ZDHHC11B: variants seen among roughly 807,000 people sequenced by gnomAD.
ZDHHC11B encodes zDHHC palmitoyltransferase 11B (putative), also known as probable palmitoyltransferase ZDHHC11B.
Under a neutral mutation model 42.3 loss-of-function variants are expected in ZDHHC11B, and 17 were observed. That is an observed-to-expected ratio of 0.40 (90% CI 0.27 to 0.60). The LOEUF (loss-of-function observed/expected upper bound fraction) is 0.60, where lower values mean the gene tolerates loss of function less well. Among genes scored for constraint, ZDHHC11B ranks in the 20% least tolerant of loss-of-function variants. ZDHHC11B has a pLI of 0.41. For missense variants in ZDHHC11B, 262 were observed against 463.2 expected, an observed-to-expected ratio of 0.57 and a Z score of 3.99; for synonymous variants, 123 against 193.5, an observed-to-expected ratio of 0.64 and a Z score of 3.02.
At chr5:783,299 G>A (rs1266335458) in intron 1 of ZDHHC11B, among the ~76,000 whole-genome samples, 1 of 152,274 alleles carries the variant, frequency 6.6e-6, no homozygotes, top group Non-Finnish European at 1.5e-5. Context: ...TGACAGGCGC[G>A]AGAGCCCAGT....
At chr5:729,696 C>G (rs1335323018) in intron 12 of ZDHHC11B, among the ~76,000 whole-genome samples, 1 of 150,460 alleles carries the variant, frequency 6.6e-6, no homozygotes, top group East Asian at 1.9e-4. Flanking sequence ...TATCTAAACC[C>G]TAAAACTCTG....
rs138930691 is a variant in ZDHHC11B at position 765,682 on chromosome 5, C to T, written c.222+1016G>A. ...CTTGCTGCTGCTCACTCTTTGGCTC[C>T]GCACTGCCTTTATGAGCTCTAACAC... On this transcript the variant is annotated intron_variant, in intron 4 of 13. Coordinates refer to ENST00000508859, the MANE Select transcript of ZDHHC11B (RefSeq NM_001351303.2). Among the ~76,000 whole-genome samples the T allele has an allele frequency of 4.9e-4, 75 of 151,998 alleles. 1 individual carries two copies. Among genetic ancestry groups the T allele is most frequent in the Admixed American group, 1.7e-3 (26 of 15,242 alleles).
At chr5:759,397 C>T (rs546758146) in intron 4 of ZDHHC11B, among the ~76,000 whole-genome samples, 2 of 152,040 alleles carry the variant, frequency 1.3e-5, no homozygotes, top group African/African-American at 2.4e-5. Context: ...TCAATCCCTG[C>T]GGGGTTCAAA....
chr5:733,874 C>G (rs756478055), intron 10 of ZDHHC11B, 35 bp from the exon 11 acceptor site: 14 of 1,575,672 alleles, frequency 8.9e-6, no homozygotes, highest in Non-Finnish European at 1.2e-5. Context: ...AAACTCATCT[C>G]AGCTTTGTGG....
chr5:750,535 G>C (rs1745472963), intron 7 of ZDHHC11B, among the ~76,000 whole-genome samples: 1 of 130,358 alleles, frequency 7.7e-6, no homozygotes, highest in African/African-American at 2.5e-5. Context: ...TTAAGTCACA[G>C]CCGCAGGCCC....
At chr5:730,569 G>A (rs1742946398) in intron 11 of ZDHHC11B, 101 bp from the exon 12 acceptor site, 1 of 1,235,628 alleles carries the variant, frequency 8.1e-7, no homozygotes, top group Non-Finnish European at 1.1e-6. Flanking sequence ...AGTCAGTTCT[G>A]AGTAATGGTA....
chr5:751,298 G>A (rs1279508386), intron 6 of ZDHHC11B, 41 bp from the exon 7 acceptor site: 1 of 777,424 alleles, frequency 1.3e-6, no homozygotes, highest in African/African-American at 2.3e-5. Context: ...GTGGGGACGT[G>A]GGAGCAGTGG....
At chr5:764,643 C>T (rs564121600) in intron 4 of ZDHHC11B, among the ~76,000 whole-genome samples, 13 of 152,004 alleles carry the variant, frequency 8.6e-5, no homozygotes, top group Middle Eastern at 3.4e-3. Flanking sequence ...TGAGCCTCCC[C>T]GCTGCCATGG....
At chr5:728,921 G>A (rs1298182365) in intron 12 of ZDHHC11B, among the ~76,000 whole-genome samples, 2 of 151,338 alleles carry the variant, frequency 1.3e-5, no homozygotes, top group African/African-American at 4.9e-5. Flanking sequence ...GCTGAGGTGG[G>A]TGGACTGCAA....
At chr5:732,577 C>A in intron 11 of ZDHHC11B, 1 of 437,274 alleles carries the variant, frequency 2.3e-6, no homozygotes, top group Non-Finnish European at 4.6e-6. Flanking sequence ...ACCAGCCTCA[C>A]TGTTCCTCCA....
chr5:712,750 A>G (rs1471132733), intron 13 of ZDHHC11B, among the ~76,000 whole-genome samples: 3 of 151,520 alleles, frequency 2.0e-5, no homozygotes, highest in Admixed American at 6.6e-5. Context: ...TCTACTAAAA[A>G]TACAAAAAAT....
chr5:748,484 A>G lies in ZDHHC11B; in HGVS notation c.704T>C (p.Ile235Thr). The G allele has an allele frequency of 7.3e-7, 1 of 1,364,190 alleles. No individual in the cohort carries two copies. Among genetic ancestry groups the G allele is most frequent in the Non-Finnish European group, 9.8e-7 (1 of 1,024,470 alleles). The allele number at this position is 1,364,190 out of a possible 1,614,324, so 84.5% of individuals were successfully genotyped here. Residue 235 changes from isoleucine to threonine, a missense_variant, in exon 8 of 14, where the codon ATC becomes ACC. Physicochemically the swap from Ile to Thr is moderately conservative, Grantham distance 89. Coordinates refer to ENST00000508859, the MANE Select transcript of ZDHHC11B (RefSeq NM_001351303.2). ...PVQVQTLIVV[I>T]IRMLVLLLDL... ...CAGCAGGAGCACGAGCATCCTGATG[A>G]TCACGACTATCAGAGTCTGCACCTG...
intron 11 of ZDHHC11B, chr5:732,820 G>A (rs1743125081): frequency 7.8e-6 from 2 of 254,890 alleles, no homozygotes; most frequent in South Asian, 4.4e-5. Context: ...CCCTGAGCCT[G>A]GGGAATCACT....
At chr5:726,238 A>C (rs1742598123) in intron 12 of ZDHHC11B, among the ~76,000 whole-genome samples, 1 of 151,634 alleles carries the variant, frequency 6.6e-6, no homozygotes, top group African/African-American at 2.4e-5. Flanking sequence ...GCAAAGCGTG[A>C]CATGATTTAA....
In ZDHHC11B at chr5:767,425, T is replaced by C. The variant is rs1735609608; in HGVS notation, c.-34A>G. ...ACACTGCACGCCTGTCTCATCTCCG[T>C]AGGCTGAGTAGAGCAGCTCCAACTC... On this transcript the variant is annotated 5_prime_UTR_variant, in exon 3 of 14. Transcript: ENST00000508859. 2 of 1,574,542 alleles carry C rather than the reference T, an allele frequency of 1.3e-6. No homozygotes were observed. The highest frequency in any genetic ancestry group is 8.7e-7 in the Non-Finnish European group (1 of 1,153,408).
chr5:715,809 G>T (rs1182115709), intron 13 of ZDHHC11B, among the ~76,000 whole-genome samples: 1 of 151,430 alleles, frequency 6.6e-6, no homozygotes, highest in Non-Finnish European at 1.5e-5. Context: ...CTAGGGTGCT[G>T]GTCAGGGCTG....
intron 12 of ZDHHC11B, among the ~76,000 whole-genome samples, chr5:729,882 G>A (rs1399030517): frequency 2.0e-5 from 3 of 151,426 alleles, no homozygotes; most frequent in African/African-American, 4.9e-5. Context: ...GATTCTCTGG[G>A]AAGAATATGC....
intron 4 of ZDHHC11B, among the ~76,000 whole-genome samples, chr5:756,880 C>T (rs1349509768): frequency 6.6e-6 from 1 of 151,622 alleles, no homozygotes; most frequent in African/African-American, 2.4e-5. Flanking sequence ...TTCAGGGACC[C>T]CAGACTCATT....
intron 4 of ZDHHC11B, among the ~76,000 whole-genome samples, chr5:760,503 C>G: frequency 6.6e-6 from 1 of 151,694 alleles, no homozygotes; most frequent in African/African-American, 2.4e-5. Flanking sequence ...GACCCCGGGC[C>G]CCAGAACTGT....
Sources: gnomAD v4.1 joint callset for allele counts (sites outside exome capture counted in the v4.1 genomes callset) on GRCh38, gnomAD v4.1.1 for gene constraint, MANE v1.5 for transcripts, NCBI Gene and HGNC (gene_info 2026-07-23, HGNC 2026-07-21) for gene names.